PCDH17: variants seen among roughly 807,000 people sequenced by gnomAD.
PCDH17 encodes protocadherin 17.
In PCDH17, 21 loss-of-function variants were observed where a neutral mutation model predicts 67.7. The observed-to-expected ratio is 0.31, with a 90% CI of 0.22 to 0.45. The LOEUF (loss-of-function observed/expected upper bound fraction) is 0.45. PCDH17 is among the 20% of genes least tolerant of loss of function. The pLI is 1.00. For synonymous variants in PCDH17, 701 were observed against 656.7 expected (o/e 1.07, Z -1.03); for missense variants, 1,471 against 1,564.8 (o/e 0.94, Z 1.01).
At position 57,634,285 on chromosome 13, in the gene PCDH17, C is replaced by T; in HGVS notation, c.1739C>T (p.Ala580Val). ...RVTVLDVNDN[A>V]PVIVLPTLQN... ...ACAGTGCTAGACGTGAATGACAACG[C>T]GCCAGTGATCGTGCTCCCCACGCTG... The change falls in exon 1 of 4, where the codon GCG (alanine) becomes GTG (valine). Residue 580 changes from alanine to valine, a missense_variant. By Grantham distance (64) the Ala-to-Val change is moderately conservative. Coordinates refer to ENST00000377918, the MANE Select transcript of PCDH17 (RefSeq NM_001040429.3). This position sits in a 1 kb window ranked among gnomAD's most constrained non-coding sequence, Gnocchi z 7.8. The T allele has an allele frequency of 6.2e-7, 1 of 1,613,126 alleles. No individual in the cohort carries two copies. Among genetic ancestry groups the T allele is most frequent in the African/African-American group, 1.3e-5 (1 of 75,064 alleles).
At chr13:57,698,771 G>A (rs920365943) in intron 3 of PCDH17, among the ~76,000 whole-genome samples, 4 of 151,838 alleles carry the variant, frequency 2.6e-5, no homozygotes, top group Admixed American at 6.6e-5. Context: ...TGTTAATGCC[G>A]GCCTTTCAGA....
chr13:57,714,788 G>A (rs73521313), intron 3 of PCDH17, among the ~76,000 whole-genome samples: 2,896 of 151,774 alleles, frequency 0.019, 81 homozygotes, highest in African/African-American at 0.066. Flanking sequence ...GTTGGCTAAA[G>A]TGTAAGATAC....
intron 3 of PCDH17, among the ~76,000 whole-genome samples, chr13:57,717,250 G>A (rs1955826013): frequency 6.8e-6 from 1 of 147,584 alleles, no homozygotes; most frequent in Non-Finnish European, 1.5e-5. Context: ...TCAGTGGCAT[G>A]CCATGGGACA....
At chr13:57,648,218 G>A (rs1435482115) in intron 1 of PCDH17, among the ~76,000 whole-genome samples, 2 of 151,856 alleles carry the variant, frequency 1.3e-5, no homozygotes, top group Non-Finnish European at 2.9e-5. Context: ...TCCCCAGGTA[G>A]TATAAATAAT....
rs758093709 is a variant in PCDH17, at chr13:57,632,798, C to G, written c.252C>G (p.Leu84=). 1.9e-6 allele frequency: 3 copies of G among 1,613,512 alleles called. No homozygotes were observed. The highest frequency in any genetic ancestry group is 2.5e-6 in the Non-Finnish European group (3 of 1,179,990). ...ACGTGGACGCAGACAGCGGGCTCCT[C>G]TACACCAAGCAGCGCATCGACCGCG... ...LLDVDADSGL[L]YTKQRIDRES... is the part of the protein sequence containing the mutation. Residue 84 remains leucine (L), a synonymous_variant, in exon 1 of 4, where the codon CTC becomes CTG. Transcript: ENST00000377918.
At chr13:57,645,970 T>C (rs1479481513) in intron 1 of PCDH17, among the ~76,000 whole-genome samples, 2 of 151,564 alleles carry the variant, frequency 1.3e-5, no homozygotes, top group Admixed American at 6.6e-5. Flanking sequence ...CCATAAAGTA[T>C]AAATATTTAT....
At chr13:57,644,798 A>G (rs1046247448) in intron 1 of PCDH17, among the ~76,000 whole-genome samples, 4 of 151,726 alleles carry the variant, frequency 2.6e-5, no homozygotes, top group African/African-American at 9.7e-5. Context: ...TGAAAAGTTG[A>G]CATGTAATGT....
Position 57,633,108 on chromosome 13 carries a change from G to T in PCDH17, c.562G>T (p.Asp188Tyr), listed in dbSNP as rs1758669076. ...LFGLDVKSRG[D>Y]GTKFPELVIQ... ...TGGACTGGACGTTAAGTCCCGCGGC[G>T]ACGGCACCAAGTTCCCAGAACTGGT... is the stretch of plus-strand genomic sequence containing the variant. The change falls in exon 1 of 4, where the codon GAC becomes TAC. Residue 188 changes from aspartate (D) to tyrosine (Y), a missense_variant. Transcript: ENST00000377918. The surrounding 1 kb of genome is among the most constrained non-coding windows in gnomAD (Gnocchi z 6.2). 6.2e-7 allele frequency: 1 copy of T among 1,613,386 alleles called. No individual in the cohort carries two copies.
chr13:57,680,869 G>C (rs1024115071), intron 3 of PCDH17, among the ~76,000 whole-genome samples: 1 of 151,618 alleles, frequency 6.6e-6, no homozygotes. Flanking sequence ...CATTTTTACA[G>C]CAGAGCTGAT....
intron 1 of PCDH17, among the ~76,000 whole-genome samples, chr13:57,664,220 T>G (rs1955221497): frequency 6.6e-6 from 1 of 152,176 alleles, no homozygotes; most frequent in East Asian, 1.9e-4. Context: ...GGCTTTCCTA[T>G]TTTCTCTTGT....
intron 3 of PCDH17, among the ~76,000 whole-genome samples, chr13:57,709,173 G>A (rs1305982569): frequency 6.6e-6 from 1 of 151,316 alleles, no homozygotes; most frequent in African/African-American, 2.4e-5. Context: ...ACTGAGTAAA[G>A]GGCTAAATTA....
chr13:57,659,979 T>C (rs1192496237), intron 1 of PCDH17, among the ~76,000 whole-genome samples: 1 of 152,164 alleles, frequency 6.6e-6, no homozygotes, highest in Non-Finnish European at 1.5e-5. Flanking sequence ...ATGCCTGTAA[T>C]CTTAGCACTT....
Position 57,634,613 on chromosome 13 carries a change from C to T in PCDH17, c.2067C>T (p.Pro689=). 6.2e-7 allele frequency: 1 copy of T among 1,613,408 alleles called. No homozygotes were observed. Among genetic ancestry groups the T allele is most frequent in the Non-Finnish European group, 8.5e-7 (1 of 1,180,008 alleles). ...TCCGCTCGGTGAGCGGATCCCTTCC[C>T]GAGGGGGTACCACGGGTGAATGGCG... ...LIIRSVSGSL[P]EGVPRVNGEQ... is the part of the protein sequence containing the mutation. The change falls in exon 1 of 4, where the codon CCC becomes CCT. Residue 689 remains proline, a synonymous_variant. Coordinates refer to ENST00000377918, the MANE Select transcript of PCDH17 (RefSeq NM_001040429.3). This position sits in a 1 kb window ranked among gnomAD's most constrained non-coding sequence, Gnocchi z 7.8.
chr13:57,645,180 C>T (rs1000506590), intron 1 of PCDH17, among the ~76,000 whole-genome samples: 1 of 151,616 alleles, frequency 6.6e-6, no homozygotes, highest in Non-Finnish European at 1.5e-5. Context: ...AAGTGTTAAA[C>T]CTCTCGATCA....
intron 3 of PCDH17, among the ~76,000 whole-genome samples, chr13:57,713,807 C>T (rs910261843): frequency 6.6e-6 from 1 of 151,440 alleles, no homozygotes; most frequent in Non-Finnish European, 1.5e-5. Context: ...TATATAAGTA[C>T]CTGTTGCAGA....
At chr13:57,717,696 G>A (rs1460508510) in intron 3 of PCDH17, among the ~76,000 whole-genome samples, 5 of 151,986 alleles carry the variant, frequency 3.3e-5, no homozygotes, top group African/African-American at 9.7e-5. Context: ...CAAAGCTGCC[G>A]TGGTTTGACT....
intron 1 of PCDH17, among the ~76,000 whole-genome samples, chr13:57,651,728 T>C (rs1328928559): frequency 6.6e-6 from 1 of 152,160 alleles, no homozygotes; most frequent in African/African-American, 2.4e-5. Context: ...TTGTTTCTGA[T>C]TTCTTATAAG....
chr13:57,640,553 C>T (rs1316518523), intron 1 of PCDH17, among the ~76,000 whole-genome samples: 3 of 152,004 alleles, frequency 2.0e-5, no homozygotes, highest in African/African-American at 7.2e-5. Flanking sequence ...CTTTATTTTA[C>T]TGTTTTAAAG....
intron 3 of PCDH17, among the ~76,000 whole-genome samples, chr13:57,672,432 C>T (rs1038313577): frequency 6.6e-6 from 1 of 151,950 alleles, no homozygotes; most frequent in Non-Finnish European, 1.5e-5. Context: ...CTTTCTAATT[C>T]CCCATATAAT....
Sources: allele counts gnomAD v4.1 joint callset (sites outside exome capture counted in the v4.1 genomes callset), GRCh38; gene constraint gnomAD v4.1.1; non-coding constraint Gnocchi (gnomAD v3.1); transcripts MANE v1.5; gene names NCBI Gene and HGNC (gene_info 2026-07-23, HGNC 2026-07-21).